Variants in ZNG1E observed in about 807,000 individuals in gnomAD.
ZNG1E encodes the protein zinc-regulated GTPase metalloprotein activator 1E.
the ZNG1E span, among the ~76,000 whole-genome samples, chr9:65,715,106 C>T: frequency 2.3e-4 from 34 of 149,556 alleles, 2 homozygotes; most frequent in Non-Finnish European, 3.4e-4. Context: ...CCTGGTGCGC[C>T]GTTTTTCAAG....
chr9:65,721,764 G>A, the ZNG1E span, among the ~76,000 whole-genome samples: 1 of 149,826 alleles, frequency 6.7e-6, no homozygotes, highest in Non-Finnish European at 1.5e-5. Context: ...TATTTTTGTA[G>A]CCTCTGTAGG....
chr9:65,672,531 G>A, the ZNG1E span, among the ~76,000 whole-genome samples: 4 of 151,732 alleles, frequency 2.6e-5, no homozygotes, highest in African/African-American at 9.7e-5. Flanking sequence ...GGATCAGGAG[G>A]TCAGGAGTTC....
the ZNG1E span, among the ~76,000 whole-genome samples, chr9:65,659,311 A>G: frequency 1.1e-4 from 16 of 150,274 alleles, no homozygotes; most frequent in Non-Finnish European, 2.4e-4. Flanking sequence ...CCTGACCAAC[A>G]TGGTGAAACG....
At chr9:65,715,424 C>T in the ZNG1E span, among the ~76,000 whole-genome samples, 3 of 150,156 alleles carry the variant, frequency 2.0e-5, no homozygotes, top group East Asian at 5.8e-4. Flanking sequence ...GCTCCTCTCT[C>T]CTCTCTTCAC....
the ZNG1E span, among the ~76,000 whole-genome samples, chr9:65,721,132 A>G: frequency 2.0e-5 from 3 of 146,872 alleles, no homozygotes; most frequent in African/African-American, 8.0e-5. Flanking sequence ...GAACATTTGG[A>G]GCAGCCAGTG....
the ZNG1E span, chr9:65,704,890 G>A: frequency 1.4e-5 from 1 of 70,822 alleles, no homozygotes; most frequent in African/African-American, 6.3e-5. Context: ...CAGCCTGGGT[G>A]ACAGAGCGAG....
At chr9:65,685,456 T>C in the ZNG1E span, among the ~76,000 whole-genome samples, 1 of 152,082 alleles carries the variant, frequency 6.6e-6, no homozygotes, top group South Asian at 2.1e-4. Flanking sequence ...GCTTCTGTCA[T>C]ATTTTAAATC....
At chr9:65,667,710 G>A in the ZNG1E span, among the ~76,000 whole-genome samples, 5 of 152,124 alleles carry the variant, frequency 3.3e-5, no homozygotes, top group South Asian at 8.3e-4. Flanking sequence ...AATGAGTGAT[G>A]TATGGTCTGG....
chr9:65,717,685 AT>A, the ZNG1E span, among the ~76,000 whole-genome samples: 8 of 143,030 alleles, frequency 5.6e-5, no homozygotes, highest in African/African-American at 1.1e-4. Flanking sequence ...TTTGCCTTTC[AT>A]TTTTTTTTTC....
the ZNG1E span, chr9:65,693,603 G>A: frequency 4.8e-6 from 3 of 627,410 alleles, no homozygotes; most frequent in Admixed American, 7.4e-5. Context: ...TGTTGCCCAG[G>A]CTGGAGTGCA....
chr9:65,667,370 G>T, the ZNG1E span, among the ~76,000 whole-genome samples: 1 of 152,244 alleles, frequency 6.6e-6, no homozygotes, highest in Non-Finnish European at 1.5e-5. Flanking sequence ...TAAAGTATAT[G>T]GGTAGAATCA....
chr9:65,663,690 A>G, the ZNG1E span, among the ~76,000 whole-genome samples: 1 of 151,838 alleles, frequency 6.6e-6, no homozygotes, highest in South Asian at 2.1e-4. Context: ...CCCTATCAGT[A>G]GAATTTCAAA....
At chr9:65,683,940 T>C in the ZNG1E span, among the ~76,000 whole-genome samples, 2 of 152,296 alleles carry the variant, frequency 1.3e-5, no homozygotes, top group African/African-American at 2.4e-5. Context: ...TTATTAGAAA[T>C]AGCAAATATC....
chr9:65,660,626 C>T, the ZNG1E span, among the ~76,000 whole-genome samples: 2 of 151,820 alleles, frequency 1.3e-5, no homozygotes, highest in African/African-American at 4.8e-5. Flanking sequence ...CTCAAGTGTC[C>T]AGAAAGGCTA....
At chr9:65,713,764 CCTTT>C in the ZNG1E span, among the ~76,000 whole-genome samples, 1 of 149,040 alleles carries the variant, frequency 6.7e-6, no homozygotes, top group African/African-American at 2.5e-5. Context: ...GGTAACCCGA[CCTTT>C]CTCTCTGGCT....
the ZNG1E span, among the ~76,000 whole-genome samples, chr9:65,663,549 T>C: frequency 3.6e-5 from 5 of 138,926 alleles, no homozygotes; most frequent in African/African-American, 1.1e-4. Flanking sequence ...CATGGTATCC[T>C]TTGAGTGAGC....
At chr9:65,658,379 G>T in the ZNG1E span, among the ~76,000 whole-genome samples, 3 of 151,708 alleles carry the variant, frequency 2.0e-5, no homozygotes, top group Admixed American at 6.6e-5. Flanking sequence ...CAATCTCCCA[G>T]TAAGCAGAGC....
At chr9:65,709,352 T>G in the ZNG1E span, among the ~76,000 whole-genome samples, 1 of 151,366 alleles carries the variant, frequency 6.6e-6, no homozygotes. Flanking sequence ...TTTAAATTTA[T>G]TTATTTATTA....
the ZNG1E span, chr9:65,677,280 TACCAGCA>T: frequency 6.6e-7 from 1 of 1,523,002 alleles, no homozygotes; most frequent in Non-Finnish European, 8.9e-7. Context: ...TGAGAATTAA[TACCAGCA>T]ACCTTGTTGC....
Sources: gnomAD v4.1 joint callset for allele counts (sites outside exome capture counted in the v4.1 genomes callset) on GRCh38, gnomAD v4.1.1 for gene constraint, MANE v1.5 for transcripts, NCBI Gene and HGNC (gene_info 2026-07-23, HGNC 2026-07-21) for gene names.